Variants in KLF12 observed in about 807,000 individuals in gnomAD.
KLF12 encodes Krueppel-like factor 12.
A neutral mutation model predicts 37.8 loss-of-function variants in KLF12; 9 were observed. That is an observed-to-expected ratio of 0.24 (90% CI 0.14 to 0.42). KLF12 has a LOEUF of 0.42. KLF12 is among the 10% of genes least tolerant of loss of function. The pLI is 1.00. For synonymous variants in KLF12, 208 were observed against 202.1 expected, an observed-to-expected ratio of 1.03 and a Z score of -0.25; for missense variants, 411 against 516.0, an observed-to-expected ratio of 0.80 and a Z score of 1.97.
chr13:74,126,581 A>ATTAG (rs1204682214), intron 1 of KLF12, among the ~76,000 whole-genome samples: 1 of 152,218 alleles, frequency 6.6e-6, no homozygotes, highest in African/African-American at 2.4e-5. Flanking sequence ...AAACTTTCTC[A>ATTAG]TAACTAGATG....
chr13:73,994,468 CCCCCCACCA>C (rs1566497038), intron 2 of KLF12, among the ~76,000 whole-genome samples: 1 of 81,198 alleles, frequency 1.2e-5, no homozygotes, highest in Non-Finnish European at 3.4e-5. Flanking sequence ...TCACAGCGCC[CCCCCCACCA>C]CCACACTTTC....
intron 1 of KLF12, among the ~76,000 whole-genome samples, chr13:74,127,300 G>A (rs1877995221): frequency 1.3e-5 from 2 of 152,240 alleles, no homozygotes; most frequent in Admixed American, 1.3e-4. Flanking sequence ...GGGAAATAAA[G>A]TGAATCGAGG....
the KLF12 span, among the ~76,000 whole-genome samples, chr13:74,197,985 T>C: frequency 3.3e-5 from 5 of 151,960 alleles, no homozygotes; most frequent in Middle Eastern, 3.4e-3. Flanking sequence ...AAGAGTTGTT[T>C]TTCCTAAAAT....
At chr13:73,963,049 A>C (rs966992934) in intron 2 of KLF12, among the ~76,000 whole-genome samples, 3 of 152,190 alleles carry the variant, frequency 2.0e-5, no homozygotes, top group Non-Finnish European at 4.4e-5. Context: ...ATTGGTTAAT[A>C]ATTTGAAATA....
At chr13:73,845,747 T>A (rs986492895) in intron 4 of KLF12, 80 bp downstream of exon 4, 23 of 1,278,822 alleles carry the variant, frequency 1.8e-5, no homozygotes, top group Admixed American at 4.0e-5. Flanking sequence ...AGTGTTTGTA[T>A]ACAATTTAGG....
chr13:74,162,686 T>C, the KLF12 span, among the ~76,000 whole-genome samples: 3 of 152,196 alleles, frequency 2.0e-5, no homozygotes, highest in Admixed American at 6.5e-5. Flanking sequence ...ATAGTTTTTA[T>C]TTTCCACCCC....
intron 3 of KLF12, among the ~76,000 whole-genome samples, chr13:73,897,485 C>G (rs1014820767): frequency 6.6e-6 from 1 of 152,164 alleles, no homozygotes; most frequent in Non-Finnish European, 1.5e-5. Context: ...CTCCAGGGCT[C>G]TCTATTCCAG....
chr13:74,196,864 A>T, the KLF12 span, among the ~76,000 whole-genome samples: 4,676 of 150,074 alleles, frequency 0.031, 114 homozygotes, highest in Middle Eastern at 0.072. Flanking sequence ...TTTAGAATTT[A>T]AAAAAAATTT....
At chr13:73,743,478 T>C (rs563061792) in intron 6 of KLF12, among the ~76,000 whole-genome samples, 1 of 152,308 alleles carries the variant, frequency 6.6e-6, no homozygotes, top group East Asian at 1.9e-4. Context: ...GAAAGCACCG[T>C]AGAATATGGC....
intron 2 of KLF12, among the ~76,000 whole-genome samples, chr13:73,953,231 C>T (rs1020166291): frequency 5.9e-5 from 9 of 152,010 alleles, no homozygotes; most frequent in African/African-American, 2.2e-4. Flanking sequence ...GGAAAGATTT[C>T]TCTTAAGCTG....
chr13:73,926,541 T>C (rs1889384631), intron 3 of KLF12, among the ~76,000 whole-genome samples: 1 of 152,160 alleles, frequency 6.6e-6, no homozygotes, highest in South Asian at 2.1e-4. Flanking sequence ...ATTTGCTTTA[T>C]TGTGGTGCTC....
chr13:74,281,425 A>C, the KLF12 span, among the ~76,000 whole-genome samples: 1 of 152,316 alleles, frequency 6.6e-6, no homozygotes, highest in South Asian at 2.1e-4. Flanking sequence ...GTGTGGATGC[A>C]AGGCATTTAA....
chr13:73,883,589 A>G (rs1887082494), intron 3 of KLF12, among the ~76,000 whole-genome samples: 1 of 152,168 alleles, frequency 6.6e-6, no homozygotes, highest in East Asian at 1.9e-4. Context: ...AGTTAATTCA[A>G]TCCAAGCTAT....
At chr13:73,904,119 A>G (rs73523217) in intron 3 of KLF12, among the ~76,000 whole-genome samples, 7,133 of 152,282 alleles carry the variant, frequency 0.047, 384 homozygotes, top group African/African-American at 0.13. Flanking sequence ...ACCTCTGGAA[A>G]GCAAGGCTAG....
intron 1 of KLF12, among the ~76,000 whole-genome samples, chr13:74,124,205 TTG>T (rs527983730): frequency 3.9e-5 from 6 of 152,378 alleles, no homozygotes; most frequent in African/African-American, 1.2e-4. Context: ...ATGAAATATT[TTG>T]TGTTTGCTAA....
the KLF12 span, among the ~76,000 whole-genome samples, chr13:74,203,109 T>C: frequency 6.6e-6 from 1 of 152,128 alleles, no homozygotes; most frequent in African/African-American, 2.4e-5. Flanking sequence ...AGTCAAGAGA[T>C]ATAAAAGAGG....
At chr13:74,130,558 A>G (rs948994670) in intron 1 of KLF12, among the ~76,000 whole-genome samples, 2 of 151,838 alleles carry the variant, frequency 1.3e-5, no homozygotes, top group African/African-American at 2.4e-5. Flanking sequence ...TTGGGAGGCT[A>G]AGGTGGGAGG....
chr13:73,691,865 A>C lies in KLF12; in HGVS notation c.*3625T>G, dbSNP rs1873842873. The C allele has an allele frequency of 1.3e-5, 2 of 152,630 alleles. No homozygotes were observed. Among genetic ancestry groups the C allele is most frequent in the Admixed American group, 1.3e-4 (2 of 15,276 alleles). 9.5% of individuals were successfully genotyped at this position (152,630 alleles called of 1,614,324 possible). A position where few individuals can be genotyped will look rare whatever the true frequency, so the allele number is the denominator to read the frequency against. ...AAAAGAATTGTATAAAAATGAACAC[A>C]ATCTTTGCATAAGCTATTCCAAATC... On this transcript the variant is annotated 3_prime_UTR_variant, in exon 8 of 8. Coordinates refer to ENST00000377669, the MANE Select transcript of KLF12 (RefSeq NM_007249.5).
intron 1 of KLF12, among the ~76,000 whole-genome samples, chr13:74,011,494 AT>A (rs1242323849): frequency 1.3e-5 from 2 of 152,234 alleles, no homozygotes; most frequent in African/African-American, 4.8e-5. Context: ...AAATGATAAT[AT>A]TTTGGATATA....
Sources: gnomAD v4.1 joint callset for allele counts (sites outside exome capture counted in the v4.1 genomes callset) on GRCh38, gnomAD v4.1.1 for gene constraint, MANE v1.5 for transcripts, NCBI Gene and HGNC (gene_info 2026-07-23, HGNC 2026-07-21) for gene names.